Variants in EYA4 observed in about 807,000 individuals in gnomAD.
The protein encoded by EYA4 is protein phosphatase EYA4.
Under a neutral mutation model 87.9 loss-of-function variants are expected in EYA4, and 31 were observed. The ratio of observed to expected loss-of-function variants is 0.35; its 90% CI spans 0.27 to 0.48. The LOEUF (loss-of-function observed/expected upper bound fraction) is 0.48. EYA4 is among the 20% of genes least tolerant of loss of function. The probability of loss-of-function intolerance (pLI) is 0.99; values close to 1 mark genes in which losing one functional copy is unlikely to be tolerated. For missense variants in EYA4, 678 were observed against 761.4 expected, an observed-to-expected ratio of 0.89 and a Z score of 1.29; for synonymous variants, 263 against 270.6, an observed-to-expected ratio of 0.97 and a Z score of 0.28.
rs568422199 is a variant in EYA4, at chr6:133,299,478, G to A, written c.33+24665G>A. Among the ~76,000 whole-genome samples, 152 of 151,996 alleles carry A rather than the reference G, an allele frequency of 1.0e-3. 1 individual carries two copies. The highest frequency in any genetic ancestry group is 3.5e-3 in the Admixed American group (54 of 15,248). On this transcript the variant is annotated intron_variant, in intron 2 of 19. Transcript: ENST00000355286. ...TGTGATCCCAGGACTTTGGGAGGCC[G>A]AGGTGGGTGGATCACGAGGTCAGGA...
chr6:133,432,021 G>A (rs1415716553), intron 3 of EYA4, among the ~76,000 whole-genome samples: 1 of 144,766 alleles, frequency 6.9e-6, no homozygotes, highest in African/African-American at 2.6e-5. Flanking sequence ...CCCGCCCCCA[G>A]CATTTGCAAA....
chr6:133,482,933 A>T (rs1191018204), intron 12 of EYA4, 99 bp from the exon 13 acceptor site: 1 of 985,108 alleles, frequency 1.0e-6, no homozygotes, highest in South Asian at 1.4e-5. Context: ...ATTAAATGAT[A>T]TCAAGATGAT....
chr6:133,342,574 C>CATCTATATATATATAT (rs1782862187), intron 2 of EYA4, among the ~76,000 whole-genome samples: 1 of 100,470 alleles, frequency 1.0e-5, no homozygotes, highest in Non-Finnish European at 2.0e-5. Flanking sequence ...TACACACTGC[C>CATCTATATATATATAT]ATATATATAT....
intron 3 of EYA4, among the ~76,000 whole-genome samples, chr6:133,396,582 A>G (rs1234567400): frequency 6.6e-6 from 1 of 152,124 alleles, no homozygotes; most frequent in Non-Finnish European, 1.5e-5. Context: ...ATTCTTAACC[A>G]TTATGTTATG....
chr6:133,376,586 C>G (rs1363860756), intron 2 of EYA4, among the ~76,000 whole-genome samples: 1 of 151,736 alleles, frequency 6.6e-6, no homozygotes, highest in Non-Finnish European at 1.5e-5. Context: ...TTGGAAGATG[C>G]TAGATATAAT....
chr6:133,454,641 G>A (rs1236894039), intron 5 of EYA4, among the ~76,000 whole-genome samples: 2 of 152,110 alleles, frequency 1.3e-5, no homozygotes, highest in African/African-American at 4.8e-5. Context: ...TGCCTGGAAT[G>A]TATCAAGTTC....
chr6:133,320,151 T>G (rs77515691), intron 2 of EYA4, among the ~76,000 whole-genome samples: 6 of 151,450 alleles, frequency 4.0e-5, no homozygotes, highest in Non-Finnish European at 7.4e-5. Flanking sequence ...TTTTTTTTTT[T>G]GCTCCTTTTT....
Position 133,468,640 on chromosome 6 carries a change from T to C in EYA4, c.879T>C (p.Tyr293=). 1 of 1,612,718 alleles carries C rather than the reference T, an allele frequency of 6.2e-7. No homozygotes were observed. The highest frequency in any genetic ancestry group is 8.5e-7 in the Non-Finnish European group (1 of 1,178,962). Residue 293 remains tyrosine, a synonymous_variant, in exon 11 of 20, where the codon TAT becomes TAC. Transcript: ENST00000355286. ...QYYSASTYGA[Y]MTSNNTADGT... ...ATTCAGCATCAACGTATGGAGCGTATATGACATCGAATAACACAGCCGATG... is the reference window on the plus strand; with the variant it reads ...ATTCAGCATCAACGTATGGAGCGTACATGACATCGAATAACACAGCCGATG...
intron 3 of EYA4, among the ~76,000 whole-genome samples, chr6:133,421,857 A>C (rs570035636): frequency 6.6e-6 from 1 of 152,226 alleles, no homozygotes; most frequent in Non-Finnish European, 1.5e-5. Flanking sequence ...TTGGAAGGGA[A>C]ACCCAGTCAG....
At chr6:133,329,296 G>A (rs957590600) in intron 2 of EYA4, among the ~76,000 whole-genome samples, 1 of 151,984 alleles carries the variant, frequency 6.6e-6, no homozygotes, top group African/African-American at 2.4e-5. Flanking sequence ...GCAAATCCAT[G>A]CCCAGTCTAG....
chr6:133,306,891 A>G (rs553065496), intron 2 of EYA4, among the ~76,000 whole-genome samples: 1 of 152,356 alleles, frequency 6.6e-6, no homozygotes, highest in Admixed American at 6.5e-5. Flanking sequence ...CTTCCCAGTC[A>G]TTGCAACAAA....
At chr6:133,317,073 A>T (rs555855924) in intron 2 of EYA4, among the ~76,000 whole-genome samples, 1 of 152,208 alleles carries the variant, frequency 6.6e-6, no homozygotes, top group African/African-American at 2.4e-5. Flanking sequence ...GAGGTTAGAG[A>T]GACAAGAGTC....
At chr6:133,415,242 G>T (rs1476916177) in intron 3 of EYA4, among the ~76,000 whole-genome samples, 1 of 152,178 alleles carries the variant, frequency 6.6e-6, no homozygotes, top group Non-Finnish European at 1.5e-5. Flanking sequence ...CCACTAGAGT[G>T]AAACTGTGCC....
At chr6:133,272,800 C>A (rs1776809720) in intron 1 of EYA4, among the ~76,000 whole-genome samples, 1 of 152,180 alleles carries the variant, frequency 6.6e-6, no homozygotes, top group Non-Finnish European at 1.5e-5. Flanking sequence ...TTCTCCTGTT[C>A]TGGACCCCAG....
intron 2 of EYA4, among the ~76,000 whole-genome samples, chr6:133,328,178 T>C (rs1466568034): frequency 6.6e-6 from 1 of 152,184 alleles, no homozygotes; most frequent in African/African-American, 2.4e-5. Flanking sequence ...ATCTTTAAAA[T>C]AGTTCAGTGA....
intron 3 of EYA4, among the ~76,000 whole-genome samples, chr6:133,443,242 G>C (rs947125879): frequency 2.0e-5 from 3 of 151,696 alleles, no homozygotes; most frequent in African/African-American, 7.3e-5. Context: ...AAGTTTGCTA[G>C]TGTTTATTAA....
chr6:133,241,694 A>C lies in EYA4; in HGVS notation c.-121A>C, dbSNP rs975820017. 6.6e-6 allele frequency: 1 copy of C among 152,280 alleles called. No individual in the cohort carries two copies. Among genetic ancestry groups the C allele is most frequent in the Non-Finnish European group, 1.5e-5 (1 of 68,118 alleles). The allele number at this position is 152,280 out of a possible 1,614,324, so 9.4% of individuals were successfully genotyped here. ...AGAATAAATACTTAATTACGGACGC[A>C]CTGAACCGCGGCTGGGACAGACACT... is the stretch of plus-strand genomic sequence containing the variant. On this transcript the variant is annotated 5_prime_UTR_variant, in exon 1 of 20. Transcript: ENST00000355286.
At chr6:133,299,784 C>G (rs1779232914) in intron 2 of EYA4, among the ~76,000 whole-genome samples, 1 of 149,626 alleles carries the variant, frequency 6.7e-6, no homozygotes, top group African/African-American at 2.5e-5. Flanking sequence ...TAAAATCAAG[C>G]TAATGTGATT....
intron 3 of EYA4, among the ~76,000 whole-genome samples, chr6:133,397,600 T>A (rs1787910800): frequency 6.6e-6 from 1 of 152,190 alleles, no homozygotes; most frequent in Non-Finnish European, 1.5e-5. Context: ...CTAAACAGGG[T>A]TTGGAAAATA....
Sources: gnomAD v4.1 joint callset for allele counts (sites outside exome capture counted in the v4.1 genomes callset) on GRCh38, gnomAD v4.1.1 for gene constraint, MANE v1.5 for transcripts, NCBI Gene and HGNC (gene_info 2026-07-23, HGNC 2026-07-21) for gene names.